KLHL28: variants seen among roughly 807,000 people sequenced by gnomAD.
KLHL28 encodes kelch-like protein 28.
Under a neutral mutation model 48.3 loss-of-function variants are expected in KLHL28, and 22 were observed. The observed-to-expected ratio is 0.46, with a 90% CI of 0.33 to 0.65. The LOEUF is 0.65. KLHL28 is among the 30% of genes least tolerant of loss of function. The probability of loss-of-function intolerance (pLI) is 0.03; values close to 1 mark genes in which losing one functional copy is unlikely to be tolerated. For missense variants in KLHL28, 527 were observed against 704.3 expected, an observed-to-expected ratio of 0.75 and a Z score of 2.85; for synonymous variants, 243 against 242.4, an observed-to-expected ratio of 1.00 and a Z score of -0.02.
chr14:44,951,575 T>C (rs927334337), intron 1 of KLHL28, among the ~76,000 whole-genome samples: 5 of 152,210 alleles, frequency 3.3e-5, no homozygotes, highest in Admixed American at 1.3e-4. Context: ...TCCATAATAA[T>C]AGAAATTATC....
chr14:44,932,198 G>A (rs901456379), intron 3 of KLHL28, among the ~76,000 whole-genome samples: 3 of 131,274 alleles, frequency 2.3e-5, no homozygotes, highest in African/African-American at 8.7e-5. Flanking sequence ...TGAATACAGA[G>A]GTTTTTAGGA....
intron 1 of KLHL28, among the ~76,000 whole-genome samples, chr14:44,951,439 C>G (rs1884576095): frequency 6.6e-6 from 1 of 152,160 alleles, no homozygotes; most frequent in Non-Finnish European, 1.5e-5. Flanking sequence ...TATACTTATG[C>G]CCCTATAATA....
chr14:44,957,982 A>C (rs986890156), intron 1 of KLHL28, among the ~76,000 whole-genome samples: 2 of 151,964 alleles, frequency 1.3e-5, no homozygotes, highest in East Asian at 3.8e-4. Context: ...TGAAATAAAG[A>C]AGGATCCATG....
chr14:44,947,162 CT>C (rs1884373569), intron 1 of KLHL28, among the ~76,000 whole-genome samples: 2 of 152,066 alleles, frequency 1.3e-5, no homozygotes, highest in African/African-American at 4.8e-5. Flanking sequence ...CAACATGTAC[CT>C]TATAAGAAGG....
chr14:44,953,424 G>C (rs936254218), intron 1 of KLHL28, among the ~76,000 whole-genome samples: 1 of 152,212 alleles, frequency 6.6e-6, no homozygotes, highest in Non-Finnish European at 1.5e-5. Context: ...GGGCTTTTAA[G>C]AGGTAACTGG....
At chr14:44,941,357 C>T (rs1223122863) in intron 2 of KLHL28, among the ~76,000 whole-genome samples, 1 of 152,036 alleles carries the variant, frequency 6.6e-6, no homozygotes, top group Non-Finnish European at 1.5e-5. Flanking sequence ...CAAGGCCAGG[C>T]ACGGTGGCTC....
rs115019397 is a variant in KLHL28 at position 44,937,842 on chromosome 14, G to A, written c.900-3284C>T. 4.2e-3 allele frequency among the ~76,000 whole-genome samples: 634 copies of A among 152,122 alleles called. 3 individuals carry two copies. The highest frequency in any genetic ancestry group is 0.014 in the African/African-American group (575 of 41,494). The stretch of plus-strand genomic sequence containing the variant: ...GCACAAGACAGAGAAAATGGCAGCC[G>A]GACTTATCCTTTTATTAAGAGCCCA... On this transcript the variant is annotated intron_variant, in intron 2 of 4. Transcript: ENST00000396128.
intron 1 of KLHL28, among the ~76,000 whole-genome samples, chr14:44,952,898 T>C (rs1884643540): frequency 6.7e-6 from 1 of 148,730 alleles, no homozygotes; most frequent in Non-Finnish European, 1.5e-5. Context: ...GAAGGGTAAG[T>C]ACCATAAAAA....
chr14:44,961,407 G>T (rs1441940914), intron 1 of KLHL28, among the ~76,000 whole-genome samples: 3 of 152,056 alleles, frequency 2.0e-5, no homozygotes, highest in African/African-American at 7.2e-5. Context: ...GAAAAAAACA[G>T]ACCTATTTCC....
At chr14:44,932,994 A>G (rs1883650569) in intron 3 of KLHL28, among the ~76,000 whole-genome samples, 1 of 152,248 alleles carries the variant, frequency 6.6e-6, no homozygotes, top group Admixed American at 6.5e-5. Context: ...CAAGGATACC[A>G]AAATTTGCAG....
intron 3 of KLHL28, among the ~76,000 whole-genome samples, chr14:44,932,459 C>A (rs1883632583): frequency 6.6e-6 from 1 of 152,068 alleles, no homozygotes; most frequent in Non-Finnish European, 1.5e-5. Context: ...CAAATTAAAT[C>A]AGAATTTTCA....
At chr14:44,935,336 G>A (rs1340931166) in intron 2 of KLHL28, among the ~76,000 whole-genome samples, 6 of 152,100 alleles carry the variant, frequency 3.9e-5, no homozygotes, top group Non-Finnish European at 8.8e-5. Context: ...TTGAGTGTTG[G>A]TCATACTCTG....
chr14:44,950,974 T>A (rs1046253790), intron 1 of KLHL28, among the ~76,000 whole-genome samples: 5 of 152,206 alleles, frequency 3.3e-5, no homozygotes, highest in African/African-American at 1.2e-4. Flanking sequence ...TATGAGCCAT[T>A]TTAAAATATA....
chr14:44,955,968 T>C (rs1263340797), intron 1 of KLHL28, among the ~76,000 whole-genome samples: 1 of 152,216 alleles, frequency 6.6e-6, no homozygotes, highest in Non-Finnish European at 1.5e-5. Context: ...ATGCATGAGT[T>C]AATAATGATA....
At position 44,948,059 on chromosome 14, in the gene KLHL28, T is replaced by A. The variant is rs185658551; in HGVS notation, c.1-2131A>T. ...ATCTTTTTAACCTATGTAACTTCTTTTAGCCTCAGTTTTATGAAAAAGTTA... is the reference window on the plus strand; with the variant it reads ...ATCTTTTTAACCTATGTAACTTCTTATAGCCTCAGTTTTATGAAAAAGTTA... On this transcript the variant is annotated intron_variant, in intron 1 of 4. Transcript: ENST00000396128. 1.1e-4 allele frequency among the ~76,000 whole-genome samples: 16 copies of A among 152,264 alleles called. No individual in the cohort carries two copies. The East Asian group carries it at 2.5e-3, about 24-fold the overall frequency.
At chr14:44,951,283 G>C (rs1884568703) in intron 1 of KLHL28, among the ~76,000 whole-genome samples, 1 of 152,184 alleles carries the variant, frequency 6.6e-6, no homozygotes, top group African/African-American at 2.4e-5. Flanking sequence ...CCTCATAGCA[G>C]CTCCTTAGAG....
In KLHL28 at chr14:44,929,023, A is replaced by C. The variant is rs375753663; in HGVS notation, c.*5T>G. On this transcript the variant is annotated 3_prime_UTR_variant, in exon 5 of 5. Coordinates refer to ENST00000396128, the MANE Select transcript of KLHL28 (RefSeq NM_017658.5). ...CACCATACTATTTCCGAGAGTTCAC[A>C]TTTGTCAAAGTGCAGTTAACCCAAA... 80 of 1,613,622 alleles carry C rather than the reference A, an allele frequency of 5.0e-5. No individual in the cohort carries two copies. Among genetic ancestry groups the C allele is most frequent in the Middle Eastern group, 5.0e-4 (3 of 6,058 alleles).
intron 2 of KLHL28, among the ~76,000 whole-genome samples, chr14:44,939,057 G>A (rs1397262675): frequency 6.6e-6 from 1 of 152,214 alleles, no homozygotes; most frequent in African/African-American, 2.4e-5. Flanking sequence ...CTGCAAGCCT[G>A]TAGAGTTAAC....
Position 44,926,633 on chromosome 14 carries a change from A to G in KLHL28, c.*2395T>C, listed in dbSNP as rs1415526758. ...GTGATTCTCCTGCCTCAGCCTCCCA[A>G]GTAGCTGGGATTACAGGTACCTGCC... On this transcript the variant is annotated 3_prime_UTR_variant, in exon 5 of 5. Transcript: ENST00000396128. 1.3e-5 allele frequency: 2 copies of G among 151,952 alleles called. No homozygotes were observed. The highest frequency in any genetic ancestry group is 2.9e-5 in the Non-Finnish European group (2 of 68,054). 9.4% of individuals were successfully genotyped at this position (151,952 alleles called of 1,614,324 possible). A position where few individuals can be genotyped will look rare whatever the true frequency, so the allele number is the denominator to read the frequency against.
Sources: gnomAD v4.1 joint callset for allele counts (sites outside exome capture counted in the v4.1 genomes callset) on GRCh38, gnomAD v4.1.1 for gene constraint, MANE v1.5 for transcripts, NCBI Gene and HGNC (gene_info 2026-07-23, HGNC 2026-07-21) for gene names.